The following CSGALNACT2 variants were observed in gnomAD, a reference collection of about 807,000 sequenced individuals.
The protein encoded by CSGALNACT2 is beta 4 GalNAcT-2.
In CSGALNACT2, 35 loss-of-function variants were observed where a neutral mutation model predicts 55.3. The ratio of observed to expected loss-of-function variants is 0.63; its 90% CI spans 0.48 to 0.84. The LOEUF (loss-of-function observed/expected upper bound fraction) is 0.84, where lower values mean the gene tolerates loss of function less well. Ranked by LOEUF, CSGALNACT2 falls within the 40% of genes least tolerant of loss-of-function variation. CSGALNACT2 has a pLI of 0.00. For synonymous variants in CSGALNACT2, 196 were observed against 224.9 expected (o/e 0.87, Z 1.15); for missense variants, 544 against 657.5 (o/e 0.83, Z 1.89).
chr10:43,166,969 C>CT (rs779528572), intron 5 of CSGALNACT2, 35 bp from the exon 6 acceptor site: 27 of 1,322,928 alleles, frequency 2.0e-5, no homozygotes, highest in Admixed American at 3.6e-5. Flanking sequence ...TTCATAACTT[C>CT]TTTTTATGTT....
intron 1 of CSGALNACT2, among the ~76,000 whole-genome samples, chr10:43,144,252 C>T (rs1838693534): frequency 6.6e-6 from 1 of 152,172 alleles, no homozygotes; most frequent in South Asian, 2.1e-4. Flanking sequence ...ATACTGCATG[C>T]AATGTACATG....
chr10:43,172,242 T>C (rs145207457), intron 6 of CSGALNACT2, among the ~76,000 whole-genome samples: 72 of 152,342 alleles, frequency 4.7e-4, no homozygotes, highest in African/African-American at 1.7e-3. Flanking sequence ...TGGTACATTC[T>C]CTGGTGAATA....
chr10:43,156,381 G>A (rs74783631), intron 2 of CSGALNACT2, among the ~76,000 whole-genome samples: 6,672 of 152,314 alleles, frequency 0.044, 181 homozygotes, highest in South Asian at 0.089. Context: ...AAGATGGGAT[G>A]TGACTCAGAG....
chr10:43,175,045 A>G (rs1839452117), intron 6 of CSGALNACT2, among the ~76,000 whole-genome samples: 1 of 152,232 alleles, frequency 6.6e-6, no homozygotes, highest in East Asian at 1.9e-4. Context: ...GGTTTCTCGC[A>G]TGGTAGAAAA....
Position 43,155,485 on chromosome 10 carries a change from C to T in CSGALNACT2, c.336C>T (p.Asn112=). ...VGANGIGYQS[N]KEQAPSDLLE... is the part of the protein sequence containing the mutation. ...CTAATGGCATAGGCTATCAGAGCAACAAAGAGCAAGCACCTAGTGATCTTT... is the reference window on the plus strand; with the variant it reads ...CTAATGGCATAGGCTATCAGAGCAATAAAGAGCAAGCACCTAGTGATCTTT... The change falls in exon 2 of 8, where the codon AAC becomes AAT. Residue 112 remains asparagine (N), a synonymous_variant. Coordinates refer to ENST00000374466, the MANE Select transcript of CSGALNACT2 (RefSeq NM_018590.5). 2 of 1,614,182 alleles carry T rather than the reference C, an allele frequency of 1.2e-6. No homozygotes were observed. The highest frequency in any genetic ancestry group is 1.7e-6 in the Non-Finnish European group (2 of 1,180,028).
At chr10:43,167,703 A>G (rs1458095435) in intron 6 of CSGALNACT2, among the ~76,000 whole-genome samples, 1 of 152,180 alleles carries the variant, frequency 6.6e-6, no homozygotes, top group Admixed American at 6.5e-5. Flanking sequence ...GTCAAAGTGA[A>G]GAAATTAATA....
At chr10:43,149,648 C>T (rs1838833550) in intron 1 of CSGALNACT2, among the ~76,000 whole-genome samples, 1 of 151,988 alleles carries the variant, frequency 6.6e-6, no homozygotes, top group Non-Finnish European at 1.5e-5. Context: ...GGATATTGGC[C>T]TATGGTTTTC....
chr10:43,177,725 AC>A (rs1839508467), intron 7 of CSGALNACT2, among the ~76,000 whole-genome samples: 1 of 152,210 alleles, frequency 6.6e-6, no homozygotes, highest in African/African-American at 2.4e-5. Context: ...GCTGCTGTGA[AC>A]ATTTGTGTTT....
chr10:43,178,152 A>G (rs1277261530), intron 7 of CSGALNACT2, among the ~76,000 whole-genome samples: 1 of 152,058 alleles, frequency 6.6e-6, no homozygotes, highest in Non-Finnish European at 1.5e-5. Flanking sequence ...TTTTTCATCA[A>G]ATTTGGGAAG....
At chr10:43,163,576 T>G (rs1839196997) in intron 4 of CSGALNACT2, 1 of 985,326 alleles carries the variant, frequency 1.0e-6, no homozygotes, top group Non-Finnish European at 1.2e-6. Context: ...TTTCCATTTG[T>G]GTATTTTTCA....
At chr10:43,147,353 C>G (rs1424550814) in intron 1 of CSGALNACT2, among the ~76,000 whole-genome samples, 1 of 148,758 alleles carries the variant, frequency 6.7e-6, no homozygotes, top group Non-Finnish European at 1.5e-5. Flanking sequence ...GTTATTATTT[C>G]ATTTTGATCA....
In CSGALNACT2 at chr10:43,183,378, C is replaced by T. The variant is rs767837847; in HGVS notation, c.1465C>T (p.Arg489Cys). 17 of 1,614,000 alleles carry T rather than the reference C, an allele frequency of 1.1e-5. No homozygotes were observed. The highest frequency in any genetic ancestry group is 3.3e-5 in the Admixed American group (2 of 59,988). ...TCTTTTCCACCTCTGGCATGAAAAG[C>T]GCTGTGCTGATGAGCTGACCCCCGA... ...PGLFHLWHEK[R>C]CADELTPEQY... is the part of the protein sequence containing the mutation. Residue 489 changes from arginine to cysteine, a missense_variant, in exon 8 of 8, where the codon CGC (arginine) becomes TGC (cysteine). By Grantham distance (180) the Arg-to-Cys change is radical (BLOSUM62 -3). Around this residue, in one of 2 missense-constraint regions of CSGALNACT2, gnomAD observed 170 missense variants for 256.2 expected, o/e 0.66. Transcript: ENST00000374466.
At position 43,162,953 on chromosome 10, in the gene CSGALNACT2, G is replaced by A. The variant is rs565582920; in HGVS notation, c.981-913G>A. ...CAATTTCTTTAACCTTGCATGGGAGGTACTCTTCACTCTGACCCTTCTCTC... is the reference window on the plus strand; with the variant it reads ...CAATTTCTTTAACCTTGCATGGGAGATACTCTTCACTCTGACCCTTCTCTC... On this transcript the variant is annotated intron_variant, in intron 4 of 7. Coordinates refer to ENST00000374466, the MANE Select transcript of CSGALNACT2 (RefSeq NM_018590.5). 5.1e-6 allele frequency: 5 copies of A among 985,296 alleles called. No homozygotes were observed. The Admixed American group carries it at 1.8e-4, about 36-fold the overall frequency. 61.0% of individuals were successfully genotyped at this position (985,296 alleles called of 1,614,324 possible).
chr10:43,172,899 T>C (rs1839410115), intron 6 of CSGALNACT2, among the ~76,000 whole-genome samples: 1 of 151,974 alleles, frequency 6.6e-6, no homozygotes, highest in Admixed American at 6.6e-5. Context: ...AGCTAGGCTG[T>C]GATTGGGGGA....
chr10:43,179,974 C>G (rs1273922339), intron 7 of CSGALNACT2, among the ~76,000 whole-genome samples: 2 of 152,184 alleles, frequency 1.3e-5, no homozygotes, highest in Non-Finnish European at 2.9e-5. Context: ...GACTTCCTCT[C>G]CCCCGGGGGA....
At position 43,164,173 on chromosome 10, in the gene CSGALNACT2, A is replaced by G. The variant is rs1041832120; in HGVS notation, c.1159+129A>G. 14 of 711,600 alleles carry G rather than the reference A, an allele frequency of 2.0e-5. No individual in the cohort carries two copies. In the African/African-American group the frequency reaches 2.6e-4, roughly 13 times the overall value. 44.1% of individuals were successfully genotyped at this position (711,600 alleles called of 1,614,324 possible). ...CCCCAGTATTTTTTTAAGTTATATT[A>G]GGCATAATTTAACTGGAATACTAAA... On this transcript the variant is annotated intron_variant, in intron 5 of 7. Transcript: ENST00000374466.
intron 1 of CSGALNACT2, among the ~76,000 whole-genome samples, chr10:43,139,922 G>A (rs748003024): frequency 2.6e-5 from 4 of 152,226 alleles, no homozygotes; most frequent in African/African-American, 7.2e-5. Context: ...TGGGCCTGGC[G>A]TGGTGGCTCA....
In CSGALNACT2 at chr10:43,180,394, A is replaced by G. The variant is rs190901388; in HGVS notation, c.1337-2856A>G. 3.9e-5 allele frequency among the ~76,000 whole-genome samples: 6 copies of G among 152,256 alleles called. No individual in the cohort carries two copies. The East Asian group carries it at 1.2e-3, about 29-fold the overall frequency. ...TTGTTTCTTAAGCTAAGTCCGGTCT[A>G]CTAATGAACCCATCTAAGGCATTCA... On this transcript the variant is annotated intron_variant, in intron 7 of 7. Transcript: ENST00000374466.
At chr10:43,161,886 C>T (rs1184074707) in intron 4 of CSGALNACT2, among the ~76,000 whole-genome samples, 1 of 152,184 alleles carries the variant, frequency 6.6e-6, no homozygotes, top group African/African-American at 2.4e-5. Context: ...TTCTTCCCTT[C>T]CTGTCCCTCC....
Sources: allele counts gnomAD v4.1 joint callset (sites outside exome capture counted in the v4.1 genomes callset), GRCh38; gene constraint gnomAD v4.1.1; regional missense constraint gnomAD v4.1.1; transcripts MANE v1.5; gene names NCBI Gene and HGNC (gene_info 2026-07-23, HGNC 2026-07-21).